ESR1: variants seen among roughly 807,000 people sequenced by gnomAD.
The protein encoded by ESR1 is estrogen receptor 1, also known as estrogen receptor.
In ESR1, 12 loss-of-function variants were observed where a neutral mutation model predicts 52.7. The ratio of observed to expected loss-of-function variants is 0.23; its 90% CI spans 0.15 to 0.37. The LOEUF is 0.37. ESR1 is among the 10% of genes least tolerant of loss of function. The pLI is 1.00. For synonymous variants in ESR1, 305 were observed against 316.8 expected, an observed-to-expected ratio of 0.96 and a Z score of 0.39; for missense variants, 584 against 779.7, an observed-to-expected ratio of 0.75 and a Z score of 2.99.
intron 5 of ESR1, among the ~76,000 whole-genome samples, chr6:152,015,043 G>T (rs558563442): frequency 6.6e-6 from 1 of 152,076 alleles, no homozygotes. Flanking sequence ...CTCCAGCCTG[G>T]ATGAAATTCC....
At chr6:152,037,035 G>A (rs1235009836) in intron 5 of ESR1, among the ~76,000 whole-genome samples, 1 of 152,218 alleles carries the variant, frequency 6.6e-6, no homozygotes, top group Admixed American at 6.5e-5. Flanking sequence ...CCAGGATAAT[G>A]TATTGCAGTG....
At chr6:151,657,647 TA>T (rs1777501197) in intron 1 of ESR1, among the ~76,000 whole-genome samples, 1 of 152,172 alleles carries the variant, frequency 6.6e-6, no homozygotes, top group South Asian at 2.1e-4. Context: ...GTTTAAATAT[TA>T]TGCATTTTTT....
rs562174818 is a variant in ESR1 at position 151,808,011 on chromosome 6, C to G, written c.99C>G (p.Ile33Met). The part of the protein sequence containing the change: ...LEPLNRPQLK[I>M]PLERPLGEVY... The stretch of plus-strand genomic sequence containing the variant: ...CCCTGAACCGTCCGCAGCTCAAGAT[C>G]CCCCTGGAGCGGCCCCTGGGCGAGG... The change falls in exon 1 of 8, where the codon ATC becomes ATG. Residue 33 changes from isoleucine (I) to methionine (M), a missense_variant. Transcript: ENST00000206249. The G allele has an allele frequency of 1.2e-6, 2 of 1,613,912 alleles. No homozygotes were observed. Among genetic ancestry groups the G allele is most frequent in the South Asian group, 1.1e-5 (1 of 91,072 alleles).
intron 2 of ESR1, among the ~76,000 whole-genome samples, chr6:151,716,784 C>T (rs1352211056): frequency 2.0e-5 from 3 of 152,132 alleles, no homozygotes; most frequent in Non-Finnish European, 4.4e-5. Context: ...GGGGTGGGAT[C>T]CACTGAGCTA....
At chr6:151,865,635 A>C (rs866150228) in intron 2 of ESR1, among the ~76,000 whole-genome samples, 2 of 152,212 alleles carry the variant, frequency 1.3e-5, no homozygotes, top group Middle Eastern at 3.2e-3. Flanking sequence ...AAGGAGACAT[A>C]GACCTCAGGT....
Position 151,733,786 on chromosome 6 carries a change from AT to A in ESR1, c.-71+31789del, listed in dbSNP as rs909387734. On this transcript the variant is annotated intron_variant, in intron 2 of 2. Transcript: ENST00000404742. Reference sequence around the variant, plus strand: ...GAATTTTGCTGCCCCCAGTATTAGGATTTTTTTTCTTCTTCTTGCTAGACTC... The same window carrying A: ...GAATTTTGCTGCCCCCAGTATTAGGATTTTTTTCTTCTTCTTGCTAGACTC... Among the ~76,000 whole-genome samples, 8 of 151,950 alleles carry A rather than the reference AT, an allele frequency of 5.3e-5. No homozygotes were observed. In the East Asian group the frequency reaches 9.7e-4, roughly 18 times the overall value.
chr6:152,001,721 T>C (rs1336832387), intron 4 of ESR1, among the ~76,000 whole-genome samples: 1 of 152,032 alleles, frequency 6.6e-6, no homozygotes, highest in Non-Finnish European at 1.5e-5. Flanking sequence ...AGTTCAGTGG[T>C]TACTGACTTC....
At chr6:151,946,834 G>C (rs937384629) in intron 4 of ESR1, among the ~76,000 whole-genome samples, 1 of 152,126 alleles carries the variant, frequency 6.6e-6, no homozygotes, top group African/African-American at 2.4e-5. Flanking sequence ...TTCTGCAAAA[G>C]CTCTACAGAT....
chr6:152,034,772 T>C (rs1351935512), intron 5 of ESR1, among the ~76,000 whole-genome samples: 1 of 152,198 alleles, frequency 6.6e-6, no homozygotes, highest in Non-Finnish European at 1.5e-5. Context: ...ACATGAATCA[T>C]AGATCTTAAC....
intron 4 of ESR1, among the ~76,000 whole-genome samples, chr6:152,003,853 A>T (rs1296310887): frequency 2.0e-5 from 3 of 152,052 alleles, no homozygotes; most frequent in African/African-American, 7.2e-5. Flanking sequence ...CGTGATCAGA[A>T]TTAAGATATA....
At chr6:151,822,672 G>GCA (rs1780757752) in intron 1 of ESR1, among the ~76,000 whole-genome samples, 2 of 152,166 alleles carry the variant, frequency 1.3e-5, no homozygotes, top group African/African-American at 4.8e-5. Context: ...AATGAAAGCT[G>GCA]CACGCCTCAT....
chr6:151,873,820 C>A (rs542883714), intron 2 of ESR1, among the ~76,000 whole-genome samples: 1 of 152,228 alleles, frequency 6.6e-6, no homozygotes, highest in African/African-American at 2.4e-5. Context: ...TCTTACTTGT[C>A]AACTTAAATT....
At chr6:152,120,270 C>T (rs138626187) in intron 6 of ESR1, among the ~76,000 whole-genome samples, 6 of 152,264 alleles carry the variant, frequency 3.9e-5, no homozygotes, top group African/African-American at 1.2e-4. Context: ...TTCCAGATAT[C>T]GGGAGGAGTG....
chr6:152,060,375 C>T (rs1313414542), intron 5 of ESR1, among the ~76,000 whole-genome samples: 1 of 152,116 alleles, frequency 6.6e-6, no homozygotes, highest in Admixed American at 6.5e-5. Context: ...GACCCTCTTC[C>T]AAGGAGGCAT....
At chr6:152,119,563 C>G (rs2051252614) in intron 6 of ESR1, among the ~76,000 whole-genome samples, 1 of 152,196 alleles carries the variant, frequency 6.6e-6, no homozygotes. Context: ...CCCATCCTTC[C>G]TGGTCAGTGG....
intron 3 of ESR1, among the ~76,000 whole-genome samples, chr6:151,910,311 A>C (rs549716628): frequency 6.6e-6 from 1 of 152,292 alleles, no homozygotes; most frequent in African/African-American, 2.4e-5. Context: ...AACCGAACAG[A>C]TCTAGATACT....
rs114813750 is a variant in ESR1 at position 151,904,417 on chromosome 6, T to C, written c.760+23646T>C. ...ATCTTGGGAAGTTCTCAGTGTAACA[T>C]CTTTACTGTGTTTTTCTCTTTAGAT... On this transcript the variant is annotated intron_variant, in intron 3 of 7. Transcript: ENST00000206249. 5.5e-3 allele frequency among the ~76,000 whole-genome samples: 836 copies of C among 152,320 alleles called. 13 individuals are homozygous for C. Among genetic ancestry groups the C allele is most frequent in the African/African-American group, 0.019 (789 of 41,580 alleles).
intron 3 of ESR1, among the ~76,000 whole-genome samples, chr6:151,889,934 A>G (rs1481467921): frequency 2.0e-5 from 3 of 151,730 alleles, no homozygotes; most frequent in Non-Finnish European, 4.4e-5. Flanking sequence ...ATGTTGTTTT[A>G]TTTTCAAGTA....
chr6:152,122,444 G>A, intron 6 of ESR1: 2 of 1,614,154 alleles, frequency 1.2e-6, no homozygotes, highest in Non-Finnish European at 1.7e-6. Context: ...GTTCAGAGTG[G>A]AGGAGGGCCA....
Sources: allele counts gnomAD v4.1 joint callset (sites outside exome capture counted in the v4.1 genomes callset), GRCh38; gene constraint gnomAD v4.1.1; transcripts MANE v1.5; gene names NCBI Gene and HGNC (gene_info 2026-07-23, HGNC 2026-07-21).